SYNE2: variants seen among roughly 807,000 people sequenced by gnomAD.
SYNE2 encodes the protein nesprin-2.
In SYNE2, 431 loss-of-function variants were observed where a neutral mutation model predicts 856.3. The observed-to-expected ratio is 0.50, with a 90% confidence interval of 0.47 to 0.55. The LOEUF is 0.55. SYNE2 is among the 20% of genes least tolerant of loss of function. The pLI, the probability that SYNE2 is intolerant of heterozygous loss-of-function variation, is 0.00. For missense variants in SYNE2, 8,129 were observed against 8,023.2 expected (o/e 1.01, Z -0.50); for synonymous variants, 2,923 against 2,872.3 (o/e 1.02, Z -0.56).
chr14:63,942,007 T>C (rs1240464558), intron 5 of SYNE2, 44 bp from the exon 6 acceptor site: 2 of 1,598,054 alleles, frequency 1.3e-6, no homozygotes, highest in East Asian at 2.2e-5. Context: ...AGATTAATGC[T>C]CTGGGATATT....
At chr14:64,202,317 A>C in intron 99 of SYNE2, 1 of 702,250 alleles carries the variant, frequency 1.4e-6, no homozygotes, top group Non-Finnish European at 2.6e-6. Context: ...GTCCCATGAG[A>C]GGCCTTGTGG....
At chr14:64,071,388 GGAGGCT>G (rs1285679534) in intron 52 of SYNE2, among the ~76,000 whole-genome samples, 1 of 152,032 alleles carries the variant, frequency 6.6e-6, no homozygotes, top group Admixed American at 6.6e-5. Context: ...CAGCTACTCG[GGAGGCT>G]GAGGCAGGAG....
At chr14:63,979,180 C>G (rs541333541) in intron 14 of SYNE2, among the ~76,000 whole-genome samples, 166 bp downstream of exon 14, 1 of 152,254 alleles carries the variant, frequency 6.6e-6, no homozygotes, top group Admixed American at 6.5e-5. Context: ...TACAGGGAGT[C>G]AACCAGCAGC....
At chr14:63,860,283 C>T (rs1308255333) in intron 1 of SYNE2, among the ~76,000 whole-genome samples, 10 of 150,266 alleles carry the variant, frequency 6.7e-5, no homozygotes, top group African/African-American at 2.5e-4. Context: ...GGAGAACCCT[C>T]CCCTCCAGAC....
intron 79 of SYNE2, among the ~76,000 whole-genome samples, chr14:64,138,316 T>C (rs2098112647): frequency 6.6e-6 from 1 of 152,028 alleles, no homozygotes; most frequent in African/African-American, 2.4e-5. Context: ...ACTGCAACCT[T>C]GAACTCCTGG....
intron 65 of SYNE2, 114 bp from the exon 66 acceptor site, chr14:64,113,227 C>T (rs2097826323): frequency 1.9e-6 from 3 of 1,575,802 alleles, no homozygotes; most frequent in South Asian, 2.3e-5. Context: ...TTTCTTCCTT[C>T]TTCTGTCCTG....
chr14:64,042,156 A>G (rs1443557395), intron 45 of SYNE2, among the ~76,000 whole-genome samples: 7 of 152,254 alleles, frequency 4.6e-5, no homozygotes, highest in Non-Finnish European at 1.0e-4. Flanking sequence ...ATAATGAACT[A>G]GATGTATAAT....
At chr14:64,067,528 T>C (rs1319905456) in intron 51 of SYNE2, among the ~76,000 whole-genome samples, 1 of 152,232 alleles carries the variant, frequency 6.6e-6, no homozygotes, top group Non-Finnish European at 1.5e-5. Context: ...AGCCCATACA[T>C]GTAAGCTTCT....
At chr14:64,098,607 A>C in intron 62 of SYNE2, 140 bp from the exon 63 acceptor site, 1 of 825,688 alleles carries the variant, frequency 1.2e-6, no homozygotes. Flanking sequence ...TGAACGGACC[A>C]GGAGACAGGC....
chr14:64,041,945 ACTAT>A (rs2097151915), intron 45 of SYNE2, among the ~76,000 whole-genome samples: 2 of 152,198 alleles, frequency 1.3e-5, no homozygotes, highest in African/African-American at 4.8e-5. Context: ...TAAATCAATA[ACTAT>A]CTATTGAGAA....
intron 1 of SYNE2, among the ~76,000 whole-genome samples, chr14:63,818,003 C>G (rs1452692290): frequency 3.1e-5 from 4 of 128,632 alleles, no homozygotes; most frequent in Non-Finnish European, 6.3e-5. Context: ...GCAGCCTGGG[C>G]TACCAAGTGA....
rs1266867469 is a variant in SYNE2 at position 64,017,612 on chromosome 14, A to C, written c.4905A>C (p.Glu1635Asp). ...TATGGTAGATAAATGAGAAGACAGA[A>C]GATTACTATGAAAATCTTGGTCGAG... is the stretch of plus-strand genomic sequence containing the variant. ...DRWLDINEKTEDYYENLGRAL... is the reference protein window; with the variant it reads ...DRWLDINEKTDDYYENLGRAL... Residue 1635 changes from glutamate (E) to aspartate (D), a missense_variant, in exon 34 of 116, where the codon GAA (glutamate) becomes GAC (aspartate). Physicochemically the swap from Glu to Asp is conservative, Grantham distance 45. This residue lies in a region of SYNE2 where 2,422 missense variants were observed against 2,357.4 expected (regional missense o/e 1.03). Transcript: ENST00000555002. The C allele has an allele frequency of 1.2e-6, 2 of 1,612,666 alleles. No homozygotes were observed. Among genetic ancestry groups the C allele is most frequent in the South Asian group, 2.2e-5 (2 of 91,020 alleles).
intron 1 of SYNE2, among the ~76,000 whole-genome samples, chr14:63,771,386 T>TG (rs1886906247): frequency 6.6e-6 from 1 of 152,108 alleles, no homozygotes; most frequent in Non-Finnish European, 1.5e-5. Context: ...ACACTCTTGA[T>TG]GTGACTGAAA....
Position 64,225,473 on chromosome 14 carries a change from G to C in SYNE2, c.20671G>C (p.Ala6891Pro). The C allele has an allele frequency of 6.2e-7, 1 of 1,614,192 alleles. No individual in the cohort carries two copies. Among genetic ancestry groups the C allele is most frequent in the Non-Finnish European group, 8.5e-7 (1 of 1,180,034 alleles). ...CAGCTGCACTCAGGCCAACAACTTT[G>C]CCCGGTCCTTTTACCCCATGCTGAG... ...DYSCTQANNF[A>P]RSFYPMLRYT... Residue 6891 changes from alanine (A) to proline (P), a missense_variant, in exon 116 of 116, where the codon GCC becomes CCC. This residue lies in a region of SYNE2 where 5,410 missense variants were observed against 5,284.8 expected (regional missense o/e 1.02). Transcript: ENST00000555002.
rs777515454 is a variant in SYNE2 at position 64,212,807 on chromosome 14, A to G, written c.18862-4A>G. The G allele has an allele frequency of 8.7e-6, 14 of 1,614,024 alleles. No individual in the cohort carries two copies. The highest frequency in any genetic ancestry group is 3.3e-4 in the Middle Eastern group (2 of 6,084). On this transcript the variant is annotated splice_polypyrimidine_tract_variant and splice_region_variant and intron_variant, in intron 104 of 115. Transcript: ENST00000555002. Reference sequence around the variant, plus strand: ...GAAATCCTTTCTTTCTCCTCTCTCAACAGGGCTTCCAACAGGAAATTACAT... The same window carrying G: ...GAAATCCTTTCTTTCTCCTCTCTCAGCAGGGCTTCCAACAGGAAATTACAT...
rs2098656312 is a variant in SYNE2 at position 64,214,426 on chromosome 14, C to G, written c.19289C>G (p.Ser6430Cys). Residue 6430 changes from serine to cysteine, a missense_variant, in exon 106 of 116, where the codon TCT becomes TGT. Transcript: ENST00000555002. ...ACAGGCGACGTGGGGGGCTCCTCCTCTCACGAAGAGGACGAGGAGGGCCCA... is the reference window on the plus strand; with the variant it reads ...ACAGGCGACGTGGGGGGCTCCTCCTGTCACGAAGAGGACGAGGAGGGCCCA... ...DHTGDVGGSS[S>C]HEEDEEGPYY... The G allele has an allele frequency of 6.2e-7, 1 of 1,614,068 alleles. No individual in the cohort carries two copies. Among genetic ancestry groups the G allele is most frequent in the South Asian group, 1.1e-5 (1 of 91,086 alleles).
intron 55 of SYNE2, among the ~76,000 whole-genome samples, chr14:64,079,464 C>T (rs1036173292): frequency 3.3e-5 from 5 of 152,136 alleles, no homozygotes; most frequent in African/African-American, 7.2e-5. Flanking sequence ...CACTATTGGA[C>T]AAATCTTAAG....
At position 64,223,365 on chromosome 14, in the gene SYNE2, C is replaced by T; in HGVS notation, c.20367C>T (p.Ala6789=). ...AGCAAGTGTCCCAAGATTTAATGGC[C>T]TTGCAGGGAACCCAGGTGAGTCTAC... The part of the protein sequence containing the change: ...LREQVSQDLM[A]LQGTQNPASP... The change falls in exon 113 of 116, where the codon GCC becomes GCT. Residue 6789 remains alanine (A), a synonymous_variant. Transcript: ENST00000555002. The T allele has an allele frequency of 6.2e-7, 1 of 1,613,924 alleles. No homozygotes were observed. The highest frequency in any genetic ancestry group is 8.5e-7 in the Non-Finnish European group (1 of 1,179,938).
intron 63 of SYNE2, among the ~76,000 whole-genome samples, chr14:64,101,342 C>T (rs977183461): frequency 1.3e-5 from 2 of 152,128 alleles, no homozygotes; most frequent in African/African-American, 4.8e-5. Flanking sequence ...TAGTATCTCA[C>T]TGTGGTTTTA....
Sources: allele counts gnomAD v4.1 joint callset (sites outside exome capture counted in the v4.1 genomes callset), GRCh38; gene constraint gnomAD v4.1.1; regional missense constraint gnomAD v4.1.1; transcripts MANE v1.5; gene names NCBI Gene and HGNC (gene_info 2026-07-23, HGNC 2026-07-21).